STRADB: variants seen among roughly 807,000 people sequenced by gnomAD.
The protein encoded by STRADB is STE20 related adaptor beta.
In STRADB, 34 loss-of-function variants were observed where a neutral mutation model predicts 52.1. The ratio of observed to expected loss-of-function variants is 0.65; its 90% CI spans 0.50 to 0.87. STRADB has a LOEUF of 0.87. STRADB is among the 40% of genes least tolerant of loss of function. STRADB has a pLI of 0.00. For synonymous variants in STRADB, 133 were observed against 174.5 expected (o/e 0.76, Z 1.87); for missense variants, 340 against 483.9 (o/e 0.70, Z 2.79).
chr2:201,458,557 A>G (rs1952162919), intron 2 of STRADB, among the ~76,000 whole-genome samples: 1 of 152,198 alleles, frequency 6.6e-6, no homozygotes, highest in Admixed American at 6.5e-5. Flanking sequence ...ATAGCACCAA[A>G]TAAAATTCTC....
intron 7 of STRADB, 70 bp from the exon 8 acceptor site, chr2:201,477,549 C>A: frequency 6.8e-7 from 1 of 1,464,024 alleles, no homozygotes. Context: ...TGGATTTGTT[C>A]CTGCCAGATT....
intron 1 of STRADB, among the ~76,000 whole-genome samples, chr2:201,453,420 A>C (rs1265818843): frequency 6.6e-6 from 1 of 152,118 alleles, no homozygotes; most frequent in African/African-American, 2.4e-5. Flanking sequence ...CCTGATTACC[A>C]GCGGGTGTCC....
intron 3 of STRADB, chr2:201,460,714 A>T (rs1952200569): frequency 4.5e-6 from 1 of 223,730 alleles, no homozygotes; most frequent in African/African-American, 2.3e-5. Context: ...TTTGTGGCTA[A>T]ATAGTATTCC....
At chr2:201,470,560 C>T (rs1952373787) in intron 4 of STRADB, among the ~76,000 whole-genome samples, 1 of 152,212 alleles carries the variant, frequency 6.6e-6, no homozygotes, top group Non-Finnish European at 1.5e-5. Context: ...AAACACTACA[C>T]ACCGGTGATT....
chr2:201,468,191 A>G (rs569530657), intron 3 of STRADB, among the ~76,000 whole-genome samples: 1 of 150,410 alleles, frequency 6.6e-6, no homozygotes, highest in South Asian at 2.1e-4. Context: ...GAAGTCATTA[A>G]AAAGTTTAAC....
At chr2:201,459,027 T>C (rs1952172607) in intron 3 of STRADB, among the ~76,000 whole-genome samples, 163 bp downstream of exon 3, 1 of 152,200 alleles carries the variant, frequency 6.6e-6, no homozygotes, top group South Asian at 2.1e-4. Flanking sequence ...ATGAATGCTC[T>C]AACTTTGCCT....
Position 201,478,201 on chromosome 2 carries a change from GCTAAAATC to G in STRADB, c.825+12_825+19del, listed in dbSNP as rs1952510812. The G allele has an allele frequency of 2.5e-6, 4 of 1,605,434 alleles. No individual in the cohort carries two copies. The highest frequency in any genetic ancestry group is 3.4e-6 in the Non-Finnish European group (4 of 1,176,744). On this transcript the variant is annotated intron_variant, in intron 9 of 11. Coordinates refer to ENST00000194530, the MANE Select transcript of STRADB (RefSeq NM_018571.6). The stretch of plus-strand genomic sequence containing the variant: ...CATGCATAGAACTCAGGTAAGTGCT[GCTAAAATC>G]CCTGAGCTACTTGCCTTTCATAAGA...
intron 2 of STRADB, among the ~76,000 whole-genome samples, chr2:201,455,131 C>T (rs1041938385): frequency 2.0e-5 from 3 of 152,220 alleles, no homozygotes; most frequent in African/African-American, 7.2e-5. Context: ...ATGCCACCCA[C>T]ACCAGTTAGC....
At chr2:201,463,147 C>T (rs575615587) in intron 3 of STRADB, among the ~76,000 whole-genome samples, 98 of 152,226 alleles carry the variant, frequency 6.4e-4, no homozygotes, top group African/African-American at 2.3e-3. Flanking sequence ...ACCATCCTGG[C>T]TAACATGGTG....
chr2:201,454,451 T>G (rs1461609020), intron 1 of STRADB, among the ~76,000 whole-genome samples: 1 of 152,186 alleles, frequency 6.6e-6, no homozygotes, highest in African/African-American at 2.4e-5. Flanking sequence ...CAAAAAACAG[T>G]ATAGAAAAGA....
chr2:201,459,543 T>A (rs1225726371), intron 3 of STRADB, among the ~76,000 whole-genome samples: 2 of 152,172 alleles, frequency 1.3e-5, no homozygotes, highest in Non-Finnish European at 2.9e-5. Flanking sequence ...TATCTGTCTC[T>A]GAAATGCCCT....
chr2:201,477,574 A>G, intron 7 of STRADB, 45 bp from the exon 8 acceptor site: 13 of 1,549,126 alleles, frequency 8.4e-6, no homozygotes, highest in Non-Finnish European at 1.1e-5. Flanking sequence ...TTCTTTCTTC[A>G]TTGGCCAGTT....
chr2:201,468,384 C>G (rs971207163), intron 3 of STRADB, among the ~76,000 whole-genome samples: 1 of 152,140 alleles, frequency 6.6e-6, no homozygotes, highest in Non-Finnish European at 1.5e-5. Context: ...TGATCTCTGA[C>G]TTTGCTGGGC....
At chr2:201,459,043 A>G (rs1952172761) in intron 3 of STRADB, among the ~76,000 whole-genome samples, 179 bp downstream of exon 3, 2 of 152,230 alleles carry the variant, frequency 1.3e-5, no homozygotes, top group South Asian at 4.1e-4. Flanking sequence ...TGCCTTCTGT[A>G]ATACTATTCA....
intron 3 of STRADB, among the ~76,000 whole-genome samples, chr2:201,465,487 C>G (rs1387007314): frequency 1.3e-5 from 2 of 152,210 alleles, no homozygotes; most frequent in East Asian, 3.9e-4. Context: ...ACAAAGTCCT[C>G]TTTATTCTTT....
At chr2:201,468,085 C>CT (rs536551120) in intron 3 of STRADB, among the ~76,000 whole-genome samples, 5,667 of 70,692 alleles carry the variant, frequency 0.08, 124 homozygotes, top group Non-Finnish European at 0.12. Flanking sequence ...TTTTTTTTTT[C>CT]TTTTTTTTTT....
At chr2:201,468,777 C>A (rs1393605411) in intron 3 of STRADB, among the ~76,000 whole-genome samples, 1 of 152,162 alleles carries the variant, frequency 6.6e-6, no homozygotes, top group East Asian at 1.9e-4. Context: ...AGGTTGATAT[C>A]ACTTAAAAAA....
At chr2:201,461,119 A>T (rs1325049709) in intron 3 of STRADB, among the ~76,000 whole-genome samples, 10 of 152,088 alleles carry the variant, frequency 6.6e-5, no homozygotes, top group Non-Finnish European at 1.3e-4. Context: ...TTCTCTGATG[A>T]TCAGTGATGT....
At chr2:201,471,694 G>A (rs989838684) in intron 4 of STRADB, among the ~76,000 whole-genome samples, 2 of 152,202 alleles carry the variant, frequency 1.3e-5, no homozygotes, top group Non-Finnish European at 2.9e-5. Context: ...TCAGGAAGAT[G>A]TAGTAGATCA....
Sources: allele counts gnomAD v4.1 joint callset (sites outside exome capture counted in the v4.1 genomes callset), GRCh38; gene constraint gnomAD v4.1.1; transcripts MANE v1.5; gene names NCBI Gene and HGNC (gene_info 2026-07-23, HGNC 2026-07-21).